YEATS2: variants seen among roughly 807,000 people sequenced by gnomAD.
The protein encoded by YEATS2 is YEATS domain containing 2, also known as YEATS domain-containing protein 2.
Under a neutral mutation model 163.2 loss-of-function variants are expected in YEATS2, and 77 were observed. That is an observed-to-expected ratio of 0.47 (90% CI 0.39 to 0.57). The LOEUF (loss-of-function observed/expected upper bound fraction) is 0.57. YEATS2 is among the 20% of genes least tolerant of loss of function. The probability of loss-of-function intolerance (pLI) is 0.00; values close to 1 mark genes in which losing one functional copy is unlikely to be tolerated. For synonymous variants in YEATS2, 631 were observed against 645.1 expected (o/e 0.98, Z 0.33); for missense variants, 1,549 against 1,729.8 (o/e 0.90, Z 1.85).
intron 25 of YEATS2, 23 bp downstream of exon 25, chr3:183,801,551 AG>A (rs776526544): frequency 1.3e-6 from 2 of 1,564,014 alleles, no homozygotes; most frequent in Non-Finnish European, 1.7e-6. Flanking sequence ...CACTGAATAT[AG>A]GGGTGCATTT....
chr3:183,795,886 G>T (rs1045171663), intron 21 of YEATS2, among the ~76,000 whole-genome samples: 2 of 151,836 alleles, frequency 1.3e-5, no homozygotes, highest in Non-Finnish European at 2.9e-5. Flanking sequence ...TTTATTTAAG[G>T]CCTTGCTCTA....
chr3:183,781,131 G>A (rs529123313), intron 19 of YEATS2, among the ~76,000 whole-genome samples: 2 of 152,216 alleles, frequency 1.3e-5, no homozygotes, highest in South Asian at 4.1e-4. Context: ...GATATTAAGA[G>A]GAAATTTATT....
At chr3:183,777,340 A>T (rs1325076967) in intron 18 of YEATS2, among the ~76,000 whole-genome samples, 1 of 152,232 alleles carries the variant, frequency 6.6e-6, no homozygotes, top group Non-Finnish European at 1.5e-5. Flanking sequence ...TACAGTGCAA[A>T]GTTTGAGAAG....
chr3:183,801,628 T>TA (rs2108517211), intron 25 of YEATS2, 100 bp downstream of exon 25: 1 of 899,098 alleles, frequency 1.1e-6, no homozygotes, highest in Non-Finnish European at 1.7e-6. Flanking sequence ...TTAATATTGA[T>TA]ATGGCGGTTA....
intron 18 of YEATS2, among the ~76,000 whole-genome samples, chr3:183,776,416 C>T (rs776861238): frequency 5.3e-5 from 8 of 151,918 alleles, no homozygotes; most frequent in South Asian, 2.1e-4. Flanking sequence ...TGGTGGTGCA[C>T]GTCTACAGTC....
chr3:183,718,418 A>T, intron 3 of YEATS2, 82 bp from the exon 4 acceptor site: 1 of 1,047,772 alleles, frequency 9.5e-7, no homozygotes, highest in Non-Finnish European at 1.4e-6. Flanking sequence ...TCACTCATTC[A>T]CGTTTCTTAT....
At chr3:183,712,763 AAT>A (rs1715402816) in intron 1 of YEATS2, among the ~76,000 whole-genome samples, 1 of 126,414 alleles carries the variant, frequency 7.9e-6, no homozygotes, top group African/African-American at 3.0e-5. Flanking sequence ...TACTAATACA[AAT>A]TTTTTTTTTT....
At chr3:183,735,789 C>T (rs533106414) in intron 7 of YEATS2, among the ~76,000 whole-genome samples, 1 of 152,128 alleles carries the variant, frequency 6.6e-6, no homozygotes, top group African/African-American at 2.4e-5. Flanking sequence ...CGGGTTCAAG[C>T]GATTGTCGTG....
intron 27 of YEATS2, chr3:183,806,495 A>G (rs960954509): frequency 2.3e-6 from 1 of 429,670 alleles, no homozygotes; most frequent in Non-Finnish European, 4.6e-6. Flanking sequence ...AATAGGGGTG[A>G]TTCTTTTTAT....
At chr3:183,711,429 C>T (rs189844432) in intron 1 of YEATS2, among the ~76,000 whole-genome samples, 1,554 of 146,828 alleles carry the variant, frequency 0.011, 4 homozygotes, top group Non-Finnish European at 0.016. Flanking sequence ...GCTGAGATCG[C>T]GCCACTGCAC....
rs1369887672 is a variant in YEATS2 at position 183,712,203 on chromosome 3, T to TG, written c.-19-2941_-19-2940insG. On this transcript the variant is annotated intron_variant, in intron 1 of 30. Coordinates refer to ENST00000305135, the MANE Select transcript of YEATS2 (RefSeq NM_018023.5). ...TTTTATGTTCTTTTATTTTATTTTATTTTATTTTATTTTATTTTATTTTTT... is the reference window on the plus strand; with the variant it reads ...TTTTATGTTCTTTTATTTTATTTTATGTTTATTTTATTTTATTTTATTTTTT... Among the ~76,000 whole-genome samples the TG allele has an allele frequency of 2.6e-4, 38 of 145,860 alleles. 1 individual carries two copies. Among genetic ancestry groups the TG allele is most frequent in the African/African-American group, 9.8e-4 (37 of 37,688 alleles).
chr3:183,748,051 A>T (rs546582935), intron 9 of YEATS2, among the ~76,000 whole-genome samples: 8 of 150,608 alleles, frequency 5.3e-5, no homozygotes, highest in South Asian at 2.1e-4. Flanking sequence ...TTTTTTTTTT[A>T]AAGTTTGCCT....
intron 19 of YEATS2, among the ~76,000 whole-genome samples, chr3:183,785,862 T>G (rs1361172393): frequency 6.6e-6 from 1 of 152,236 alleles, no homozygotes; most frequent in Non-Finnish European, 1.5e-5. Flanking sequence ...ACCTGTTACC[T>G]TTAAAGATAC....
intron 27 of YEATS2, among the ~76,000 whole-genome samples, chr3:183,804,724 AC>A (rs1420502873): frequency 5.9e-5 from 9 of 152,168 alleles, no homozygotes; most frequent in African/African-American, 2.2e-4. Context: ...GCCGTGGCTC[AC>A]GCCTGTAATC....
At chr3:183,808,170 G>T (rs1047822596) in intron 29 of YEATS2, 66 bp downstream of exon 29, 82 of 1,322,166 alleles carry the variant, frequency 6.2e-5, no homozygotes, top group Non-Finnish European at 7.9e-5. Context: ...GGAGTAAGGG[G>T]CAAGGACAGA....
In YEATS2 at chr3:183,767,159, C is replaced by T. The variant is rs1241431484; in HGVS notation, c.1947+4880C>T. ...GAGGTAGTGACAGTCATCTCCCAGG[C>T]GGTGTGCACAAGGTGGGTAAGCTCT... On this transcript the variant is annotated intron_variant, in intron 15 of 30. Transcript: ENST00000305135. Among the ~76,000 whole-genome samples the T allele has an allele frequency of 3.3e-5, 5 of 152,262 alleles. No individual in the cohort carries two copies. In the East Asian group the frequency reaches 9.6e-4, roughly 29 times the overall value.
chr3:183,747,641 A>G (rs1356522982), intron 8 of YEATS2, 31 bp from the exon 9 acceptor site: 2 of 1,602,996 alleles, frequency 1.2e-6, no homozygotes, highest in African/African-American at 2.7e-5. Flanking sequence ...GTGCAGTGAA[A>G]TTTAACACTC....
At chr3:183,773,815 G>A (rs200747617) in intron 17 of YEATS2, 21 bp downstream of exon 17, 220 of 1,589,086 alleles carry the variant, frequency 1.4e-4, no homozygotes, top group Non-Finnish European at 1.9e-4. Context: ...CCATTGGGTT[G>A]AATCATTTGG....
At chr3:183,698,662 C>A (rs748072650) in intron 1 of YEATS2, among the ~76,000 whole-genome samples, 1 of 152,144 alleles carries the variant, frequency 6.6e-6, no homozygotes, top group Non-Finnish European at 1.5e-5. Flanking sequence ...AGGCCTGACA[C>A]ATCATTTTTT....
Sources: allele counts gnomAD v4.1 joint callset (sites outside exome capture counted in the v4.1 genomes callset), GRCh38; gene constraint gnomAD v4.1.1; transcripts MANE v1.5; gene names NCBI Gene and HGNC (gene_info 2026-07-23, HGNC 2026-07-21).